Variants in SOX6 observed in about 807,000 individuals in gnomAD.
SOX6 encodes the protein SRY-box transcription factor 6, also known as transcription factor SOX-6.
In SOX6, 11 loss-of-function variants were observed where a neutral mutation model predicts 97.8. The ratio of observed to expected loss-of-function variants is 0.11; its 90% CI spans 0.07 to 0.19. SOX6 has a LOEUF of 0.19. SOX6 is among the 10% of genes least tolerant of loss of function. The pLI is 1.00. For missense variants in SOX6, 810 were observed against 1,039.5 expected, an observed-to-expected ratio of 0.78 and a Z score of 3.04; for synonymous variants, 360 against 371.4, an observed-to-expected ratio of 0.97 and a Z score of 0.35.
intron 12 of SOX6, among the ~76,000 whole-genome samples, chr11:16,038,182 T>C (rs1378614815): frequency 6.6e-6 from 1 of 152,150 alleles, no homozygotes; most frequent in African/African-American, 2.4e-5. Flanking sequence ...TACTATGCCA[T>C]TTTATATAAG....
At chr11:16,235,063 T>C (rs1255150617) in intron 3 of SOX6, among the ~76,000 whole-genome samples, 1 of 152,010 alleles carries the variant, frequency 6.6e-6, no homozygotes, top group Non-Finnish European at 1.5e-5. Flanking sequence ...GCAAAATGTA[T>C]GTGCTGTGCA....
At chr11:16,217,327 A>G (rs1852403226) in intron 4 of SOX6, among the ~76,000 whole-genome samples, 1 of 152,146 alleles carries the variant, frequency 6.6e-6, no homozygotes, top group Admixed American at 6.5e-5. Context: ...GGTTTTACTA[A>G]CTTGAGTAAA....
chr11:16,076,266 T>C (rs1171214519), intron 9 of SOX6, among the ~76,000 whole-genome samples: 1 of 152,002 alleles, frequency 6.6e-6, no homozygotes, highest in Non-Finnish European at 1.5e-5. Flanking sequence ...AAATGAGATC[T>C]AATTAAAGAC....
chr11:16,233,489 T>C (rs1039020455), intron 4 of SOX6, among the ~76,000 whole-genome samples: 14 of 152,252 alleles, frequency 9.2e-5, no homozygotes, highest in African/African-American at 3.1e-4. Flanking sequence ...AAAGTAAAGA[T>C]GTTTATTCTC....
chr11:16,484,504 C>T, intron 4 of SOX6: 2 of 806,430 alleles, frequency 2.5e-6, no homozygotes, highest in Non-Finnish European at 4.5e-6. Flanking sequence ...GAATGGCCAC[C>T]TCCACCTCAT....
At chr11:16,521,251 C>T (rs1861053045) in intron 4 of SOX6, among the ~76,000 whole-genome samples, 1 of 152,156 alleles carries the variant, frequency 6.6e-6, no homozygotes. Flanking sequence ...AGACGGACAC[C>T]TCACACGGCC....
At chr11:16,003,479 T>A (rs2119919880) in intron 13 of SOX6, among the ~76,000 whole-genome samples, 1 of 152,234 alleles carries the variant, frequency 6.6e-6, no homozygotes, top group African/African-American at 2.4e-5. Context: ...TTTATCCAAA[T>A]TACCAGTTTT....
intron 3 of SOX6, among the ~76,000 whole-genome samples, chr11:16,616,694 G>C (rs572758310): frequency 6.6e-6 from 1 of 151,756 alleles, no homozygotes; most frequent in Non-Finnish European, 1.5e-5. Flanking sequence ...AAATATGCCA[G>C]CAGAAGCATC....
At chr11:16,488,488 T>C (rs1200530716) in intron 4 of SOX6, among the ~76,000 whole-genome samples, 1 of 152,148 alleles carries the variant, frequency 6.6e-6, no homozygotes, top group Non-Finnish European at 1.5e-5. Flanking sequence ...CCCTTTTTGC[T>C]TTTTCCCTAA....
intron 3 of SOX6, among the ~76,000 whole-genome samples, chr11:16,683,110 C>T (rs887478711): frequency 6.6e-6 from 1 of 152,206 alleles, no homozygotes; most frequent in African/African-American, 2.4e-5. Flanking sequence ...GAAGAACATT[C>T]CATGCTCATG....
rs764083662 is a variant in SOX6 at position 16,341,258 on chromosome 11, G to A, written c.-4-6C>T. The A allele has an allele frequency of 1.9e-6, 3 of 1,609,230 alleles. No individual in the cohort carries two copies. Among genetic ancestry groups the A allele is most frequent in the Non-Finnish European group, 1.7e-6 (2 of 1,178,066 alleles). On this transcript the variant is annotated splice_polypyrimidine_tract_variant and splice_region_variant and intron_variant, in intron 1 of 15. Coordinates refer to ENST00000683767, the MANE Select transcript of SOX6 (RefSeq NM_001367873.1). ...CTTGCTTGGAAGACATTCTTCTGCA[G>A]AAAAAAAACAGAACGGATTAAAAAT...
chr11:16,024,129 C>T (rs1049787237), intron 12 of SOX6, among the ~76,000 whole-genome samples: 38 of 151,982 alleles, frequency 2.5e-4, no homozygotes, highest in African/African-American at 9.2e-4. Flanking sequence ...AAAAAGGACA[C>T]CAGGGATGTG....
At chr11:16,671,672 C>A (rs961563204) in intron 3 of SOX6, among the ~76,000 whole-genome samples, 2 of 152,174 alleles carry the variant, frequency 1.3e-5, no homozygotes, top group African/African-American at 4.8e-5. Flanking sequence ...ATCTACTAAT[C>A]GTTGGCATCC....
intron 4 of SOX6, among the ~76,000 whole-genome samples, chr11:16,188,114 C>A (rs1368944795): frequency 6.6e-6 from 1 of 150,808 alleles, no homozygotes; most frequent in African/African-American, 2.4e-5. Context: ...AGAGAAACTT[C>A]AGAGGATGCA....
At chr11:16,288,992 G>A (rs988872662) in intron 3 of SOX6, among the ~76,000 whole-genome samples, 2 of 151,536 alleles carry the variant, frequency 1.3e-5, no homozygotes, top group African/African-American at 4.8e-5. Context: ...TTATTCAAAG[G>A]TCAGATAAAA....
At chr11:16,111,537 A>C (rs566246322) in intron 7 of SOX6, among the ~76,000 whole-genome samples, 1 of 152,306 alleles carries the variant, frequency 6.6e-6, no homozygotes, top group African/African-American at 2.4e-5. Context: ...AGAGCTGACA[A>C]AAACATTGTA....
At chr11:16,193,773 G>A (rs1344924409) in intron 4 of SOX6, among the ~76,000 whole-genome samples, 2 of 152,166 alleles carry the variant, frequency 1.3e-5, no homozygotes, top group African/African-American at 4.8e-5. Context: ...AAGCTCTTAA[G>A]AATCAATTCC....
At chr11:16,129,992 C>T (rs1449053293) in intron 6 of SOX6, among the ~76,000 whole-genome samples, 1 of 151,910 alleles carries the variant, frequency 6.6e-6, no homozygotes, top group African/African-American at 2.4e-5. Flanking sequence ...AAAATGCACA[C>T]AGTGTGGAAA....
intron 3 of SOX6, among the ~76,000 whole-genome samples, chr11:16,623,701 G>C (rs987625911): frequency 3.4e-4 from 52 of 152,156 alleles, no homozygotes; most frequent in African/African-American, 1.2e-3. Flanking sequence ...TCACGTCTTA[G>C]ATTTAAGTCT....
Sources: gnomAD v4.1 joint callset for allele counts (sites outside exome capture counted in the v4.1 genomes callset) on GRCh38, gnomAD v4.1.1 for gene constraint, MANE v1.5 for transcripts, NCBI Gene and HGNC (gene_info 2026-07-23, HGNC 2026-07-21) for gene names.